NRK: variants seen among roughly 807,000 people sequenced by gnomAD.
NRK encodes the protein nik-related protein kinase.
Under a neutral mutation model 125.2 loss-of-function variants are expected in NRK, and 67 were observed. That is an observed-to-expected ratio of 0.54 (90% CI 0.44 to 0.66). The LOEUF (loss-of-function observed/expected upper bound fraction) is 0.66, where lower values mean the gene tolerates loss of function less well. Ranked by LOEUF, NRK falls within the 30% of genes least tolerant of loss-of-function variation. The probability of loss-of-function intolerance (pLI) is 0.00; values close to 1 mark genes in which losing one functional copy is unlikely to be tolerated. For synonymous variants in NRK, 458 were observed against 429.0 expected, an observed-to-expected ratio of 1.07 and a Z score of -0.84; for missense variants, 1,224 against 1,192.9, an observed-to-expected ratio of 1.03 and a Z score of -0.38.
intron 13 of NRK, 37 bp from the exon 14 acceptor site, chrX:105,912,611 A>G (rs1357839203): frequency 1.4e-6 from 1 of 722,029 alleles, no homozygotes. Context: ...GCATTTTAAC[A>G]ACAATTAAAA....
intron 1 of NRK, among the ~76,000 whole-genome samples, chrX:105,828,317 T>G (rs1358948058): frequency 8.9e-6 from 1 of 112,069 alleles, no homozygotes; most frequent in Non-Finnish European, 1.9e-5. Flanking sequence ...AGAGCAGAAA[T>G]CAAGTTTCCC....
chrX:105,832,778 C>T lies in NRK; in HGVS notation c.123+1659C>T, dbSNP rs376079613. ...GTGGCTCACTCCTGTAATCCCAATA[C>T]TTTGAGAGATGAAGGCAGGAGGATT... On this transcript the variant is annotated intron_variant, in intron 2 of 28. Transcript: ENST00000243300. 3.5e-4 allele frequency among the ~76,000 whole-genome samples: 39 copies of T among 111,014 alleles called. 1 individual carries two copies. In the South Asian group the frequency reaches 0.015, roughly 43 times the overall value.
chrX:105,909,584 T>A lies in NRK; in HGVS notation c.1943T>A (p.Leu648His). The change falls in exon 13 of 29, where the codon CTT becomes CAT. Residue 648 changes from leucine to histidine, a missense_variant. Leu to His is a moderately conservative substitution (Grantham distance 99). Transcript: ENST00000243300. ...ALIEGLSRDL[L>H]RAPNSNNSKP... ...ATAGAGGGACTATCAAGAGACTTGC[T>A]TCGGGCACCAAACTCAAATAACTCA... The A allele has an allele frequency of 8.3e-7, 1 of 1,206,387 alleles. No individual in the cohort carries two copies.
intron 1 of NRK, among the ~76,000 whole-genome samples, chrX:105,827,101 C>T (rs1022744717): frequency 1.6e-4 from 18 of 111,714 alleles, no homozygotes; most frequent in Admixed American, 1.5e-3. Context: ...TTGAGAAACA[C>T]TGGGCTGGAT....
chrX:105,915,654 C>G, intron 14 of NRK, 76 bp from the exon 15 acceptor site: 2 of 483,817 alleles, frequency 4.1e-6, no homozygotes, highest in Middle Eastern at 3.6e-4. Context: ...TGAAGACAGG[C>G]ATTTTCCCAC....
chrX:105,851,727 A>T (rs1029401062), intron 2 of NRK, among the ~76,000 whole-genome samples: 1 of 110,723 alleles, frequency 9.0e-6, no homozygotes, highest in Non-Finnish European at 1.9e-5. Flanking sequence ...ACCTCTGTAA[A>T]AGGAGAGAAC....
At chrX:105,935,095 A>T (rs1159012869) in intron 20 of NRK, 75 bp from the exon 21 acceptor site, 6 of 810,054 alleles carry the variant, frequency 7.4e-6, no homozygotes, top group African/African-American at 6.4e-5. Flanking sequence ...ATTTTTCTTT[A>T]AAAAAAAATT....
intron 2 of NRK, among the ~76,000 whole-genome samples, chrX:105,867,202 A>G (rs1183721210): frequency 8.9e-6 from 1 of 111,882 alleles, no homozygotes; most frequent in Non-Finnish European, 1.9e-5. Context: ...TAAACGAAGC[A>G]TAACGTAATT....
At chrX:105,876,717 G>A (rs777364891) in intron 2 of NRK, among the ~76,000 whole-genome samples, 12 of 111,655 alleles carry the variant, frequency 1.1e-4, no homozygotes, top group Non-Finnish European at 1.9e-4. Flanking sequence ...TGTTGTTAAC[G>A]TAATTTGCCA....
intron 16 of NRK, among the ~76,000 whole-genome samples, chrX:105,919,865 T>C: frequency 9.0e-6 from 1 of 110,679 alleles, no homozygotes; most frequent in Non-Finnish European, 1.9e-5. Context: ...CTGATGGTAG[T>C]TTCTTTTGCT....
Position 105,841,005 on chromosome X carries a change from A to G in NRK, c.123+9886A>G, listed in dbSNP as rs1489755252. 2.7e-5 allele frequency among the ~76,000 whole-genome samples: 3 copies of G among 110,900 alleles called. No individual in the cohort carries two copies. In the East Asian group the frequency reaches 8.5e-4, roughly 32 times the overall value. ...CTAAAAACTAGTTAACTAGGTCCTC[A>G]TCACATTTCATGAAACACTCTTTGG... On this transcript the variant is annotated intron_variant, in intron 2 of 28. Transcript: ENST00000243300.
intron 2 of NRK, among the ~76,000 whole-genome samples, chrX:105,838,741 ATGGCCATATG>A (rs1171721344): frequency 9.1e-6 from 1 of 109,395 alleles, no homozygotes; most frequent in Non-Finnish European, 1.9e-5. Context: ...AAAACAGACC[ATGGCCATATG>A]TGAGCATCCA....
chrX:105,925,788 T>G (rs2040516354), intron 19 of NRK, among the ~76,000 whole-genome samples: 1 of 111,943 alleles, frequency 8.9e-6, no homozygotes, highest in Admixed American at 9.5e-5. Flanking sequence ...TCATTCTTTT[T>G]TATGGCTAAA....
chrX:105,911,957 T>C (rs1602665057), intron 13 of NRK, among the ~76,000 whole-genome samples: 1 of 111,600 alleles, frequency 9.0e-6, no homozygotes, highest in East Asian at 2.8e-4. Flanking sequence ...CAAGCATTTA[T>C]ATCTTTATAT....
Position 105,909,666 on chromosome X carries a change from C to T in NRK, c.2025C>T (p.Tyr675=), listed in dbSNP as rs1372917233. The T allele has an allele frequency of 4.2e-6, 5 of 1,195,723 alleles. No homozygotes were observed. Among genetic ancestry groups the T allele is most frequent in the Non-Finnish European group, 4.5e-6 (4 of 886,985 alleles). Residue 675 remains tyrosine (Y), a synonymous_variant, in exon 13 of 29, where the codon TAC becomes TAT. Coordinates refer to ENST00000243300, the MANE Select transcript of NRK (RefSeq NM_198465.4). Reference sequence around the variant, plus strand: ...AAAATCTGTCATCAAATAGGTTTTACTCACAACCAGAACAGGCACGGGAGA... The same window carrying T: ...AAAATCTGTCATCAAATAGGTTTTATTCACAACCAGAACAGGCACGGGAGA... ...LMENLSSNRF[Y]SQPEQAREKK... is the part of the protein sequence containing the mutation.
At chrX:105,876,027 C>A (rs1400094909) in intron 2 of NRK, among the ~76,000 whole-genome samples, 1 of 110,451 alleles carries the variant, frequency 9.1e-6, no homozygotes, top group Non-Finnish European at 1.9e-5. Context: ...CATAGAAAGA[C>A]AAATAATGGA....
chrX:105,898,169 C>G (rs2040109232), intron 7 of NRK, among the ~76,000 whole-genome samples: 1 of 111,937 alleles, frequency 8.9e-6, no homozygotes, highest in African/African-American at 3.2e-5. Flanking sequence ...ATAGAGCCTT[C>G]TCATATCATG....
intron 7 of NRK, among the ~76,000 whole-genome samples, chrX:105,896,734 T>A (rs2147730572): frequency 9.0e-6 from 1 of 111,014 alleles, no homozygotes. Context: ...TCCCAGCTAC[T>A]CGAGAGGCTG....
At chrX:105,909,970 A>T (rs972841548) in intron 13 of NRK, 88 bp downstream of exon 13, 37 of 706,715 alleles carry the variant, frequency 5.2e-5, no homozygotes, top group African/African-American at 1.1e-4. Flanking sequence ...GTAAAACCAA[A>T]TGAAATAAAT....
Sources: allele counts gnomAD v4.1 joint callset (sites outside exome capture counted in the v4.1 genomes callset), GRCh38; gene constraint gnomAD v4.1.1; transcripts MANE v1.5; gene names NCBI Gene and HGNC (gene_info 2026-07-23, HGNC 2026-07-21).